KYNU: variants seen among roughly 807,000 people sequenced by gnomAD.
KYNU encodes L-kynurenine hydrolase.
In KYNU, 54 loss-of-function variants were observed where a neutral mutation model predicts 59.2. The ratio of observed to expected loss-of-function variants is 0.91; its 90% CI spans 0.73 to 1.14. The LOEUF is 1.14. KYNU is among the 50% of genes most tolerant of loss of function. The pLI, the probability that KYNU is intolerant of heterozygous loss-of-function variation, is 0.00. For missense variants in KYNU, 567 were observed against 554.4 expected (o/e 1.02, Z -0.23); for synonymous variants, 177 against 192.0 (o/e 0.92, Z 0.65).
chr2:142,910,242 T>G (rs1175150926), intron 2 of KYNU, among the ~76,000 whole-genome samples: 1 of 148,620 alleles, frequency 6.7e-6, no homozygotes, highest in African/African-American at 2.5e-5. Flanking sequence ...GTTCAAGCGA[T>G]TCTCTTGCCT....
intron 2 of KYNU, among the ~76,000 whole-genome samples, chr2:142,914,301 T>C (rs1682602026): frequency 1.3e-5 from 2 of 152,236 alleles, no homozygotes; most frequent in Admixed American, 1.3e-4. Context: ...TTTGCTCCTC[T>C]CTTCTCTGTG....
chr2:143,014,498 A>T (rs1340500004), intron 10 of KYNU, among the ~76,000 whole-genome samples: 1 of 152,240 alleles, frequency 6.6e-6, no homozygotes, highest in Admixed American at 6.5e-5. Flanking sequence ...ATTTGAGATC[A>T]AACATGTCTA....
In KYNU at chr2:143,050,684, G is replaced by GA. The variant is rs1687250775; in HGVS notation, c.*8512_*8513insA. ...AAAACAGACTGAAGAAAGACTGGGTGTGAAGTCAGTAAATTAATTTCAAAT... is the reference window on the plus strand; with the variant it reads ...AAAACAGACTGAAGAAAGACTGGGTGATGAAGTCAGTAAATTAATTTCAAAT... On this transcript the variant is annotated 3_prime_UTR_variant, in exon 14 of 14. Coordinates refer to ENST00000264170, the MANE Select transcript of KYNU (RefSeq NM_003937.3). The GA allele has an allele frequency of 1.3e-5, 2 of 152,194 alleles. No individual in the cohort carries two copies. Among genetic ancestry groups the GA allele is most frequent in the Non-Finnish European group, 2.9e-5 (2 of 68,044 alleles). 9.4% of individuals were successfully genotyped at this position (152,194 alleles called of 1,614,324 possible).
chr2:142,935,919 A>C (rs1170948738), intron 4 of KYNU, among the ~76,000 whole-genome samples: 1 of 152,116 alleles, frequency 6.6e-6, no homozygotes, highest in African/African-American at 2.4e-5. Context: ...GAGTACAGGC[A>C]ATGCTAGAAT....
At chr2:142,939,701 T>G (rs1200204444) in intron 4 of KYNU, among the ~76,000 whole-genome samples, 2 of 148,622 alleles carry the variant, frequency 1.3e-5, no homozygotes, top group African/African-American at 5.0e-5. Context: ...GAGGAGTGAC[T>G]GAAAAAAAAA....
intron 10 of KYNU, among the ~76,000 whole-genome samples, chr2:143,019,904 T>C (rs1686359733): frequency 6.6e-6 from 1 of 152,088 alleles, no homozygotes; most frequent in South Asian, 2.1e-4. Flanking sequence ...TCTAGGTTTT[T>C]CAACTTGTTG....
intron 2 of KYNU, among the ~76,000 whole-genome samples, chr2:142,896,383 A>G (rs1228805267): frequency 3.3e-5 from 5 of 152,160 alleles, no homozygotes; most frequent in Non-Finnish European, 7.3e-5. Flanking sequence ...CATGTTCCTA[A>G]TGGCTAATGA....
Position 143,042,493 on chromosome 2 carries a change from T to C in KYNU, c.*321T>C, listed in dbSNP as rs1010810254. On this transcript the variant is annotated 3_prime_UTR_variant, in exon 14 of 14. Coordinates refer to ENST00000264170, the MANE Select transcript of KYNU (RefSeq NM_003937.3). ...TTTAATTTCTGATTTAACTGACAACTTCATAATGTATGTGCAATTATTGTG... is the reference window on the plus strand; with the variant it reads ...TTTAATTTCTGATTTAACTGACAACCTCATAATGTATGTGCAATTATTGTG... 8 of 210,080 alleles carry C rather than the reference T, an allele frequency of 3.8e-5. No homozygotes were observed. The highest frequency in any genetic ancestry group is 1.9e-4 in the African/African-American group (8 of 42,356). The allele number at this position is 210,080 out of a possible 1,614,324, so 13.0% of individuals were successfully genotyped here.
chr2:143,013,298 C>CTCTCTCTCTGTGTG (rs72349700), intron 10 of KYNU, among the ~76,000 whole-genome samples: 2 of 149,468 alleles, frequency 1.3e-5, no homozygotes, highest in South Asian at 2.1e-4. Context: ...GTCTCTTTCT[C>CTCTCTCTCTGTGTG]TGTGTGTGTG....
At chr2:142,957,755 A>G in intron 7 of KYNU, 40 bp downstream of exon 7, 7 of 1,286,428 alleles carry the variant, frequency 5.4e-6, no homozygotes, top group Non-Finnish European at 7.9e-6. Context: ...TGCTTTGTTT[A>G]GTATTGATTT....
At position 142,985,079 on chromosome 2, in the gene KYNU, C is replaced by A. The variant is rs763671555; in HGVS notation, c.730-5C>A. 1 of 1,549,522 alleles carries A rather than the reference C, an allele frequency of 6.5e-7. No individual in the cohort carries two copies. The highest frequency in any genetic ancestry group is 1.1e-5 in the South Asian group (1 of 89,746). On this transcript the variant is annotated splice_region_variant and splice_polypyrimidine_tract_variant and intron_variant, in intron 8 of 13. Coordinates refer to ENST00000264170, the MANE Select transcript of KYNU (RefSeq NM_003937.3). ...CTTAAAGCTTATTATTGTGTTCTTC[C>A]CTAGGGTTGTTATGTTGGCTTTGAT...
chr2:142,968,193 A>G (rs957594491), intron 8 of KYNU, among the ~76,000 whole-genome samples: 2 of 152,224 alleles, frequency 1.3e-5, no homozygotes, highest in African/African-American at 4.8e-5. Context: ...GTAAATTATA[A>G]TAAAGGAGTT....
intron 10 of KYNU, among the ~76,000 whole-genome samples, chr2:142,987,581 G>T (rs1270499216): frequency 6.6e-6 from 1 of 151,924 alleles, no homozygotes; most frequent in Non-Finnish European, 1.5e-5. Context: ...AGTTCAGCTT[G>T]GTCTTTCAGG....
At chr2:143,003,771 G>C (rs1558969758) in intron 10 of KYNU, among the ~76,000 whole-genome samples, 1 of 151,938 alleles carries the variant, frequency 6.6e-6, no homozygotes, top group South Asian at 2.1e-4. Flanking sequence ...CCATTTTGAA[G>C]AATAAACAAC....
chr2:142,984,017 T>C (rs561078983), intron 8 of KYNU, among the ~76,000 whole-genome samples: 1 of 152,170 alleles, frequency 6.6e-6, no homozygotes, highest in South Asian at 2.1e-4. Context: ...TTTTGTGTAT[T>C]CTTTGATACT....
chr2:142,951,717 G>C (rs188865852), intron 4 of KYNU, among the ~76,000 whole-genome samples: 1 of 152,300 alleles, frequency 6.6e-6, no homozygotes, highest in East Asian at 1.9e-4. Context: ...TTGCATGTTG[G>C]ACTAACCCTG....
chr2:142,903,990 C>T (rs1447621958), intron 2 of KYNU, among the ~76,000 whole-genome samples: 1 of 152,174 alleles, frequency 6.6e-6, no homozygotes, highest in Non-Finnish European at 1.5e-5. Flanking sequence ...TCCTGTTCTG[C>T]CTGCTCCTCC....
intron 10 of KYNU, among the ~76,000 whole-genome samples, chr2:142,999,977 A>C (rs981205245): frequency 6.6e-6 from 1 of 152,196 alleles, no homozygotes; most frequent in African/African-American, 2.4e-5. Flanking sequence ...GAATTTCATT[A>C]AGATTGAAGA....
chr2:142,883,441 G>A (rs1001540774), intron 1 of KYNU, among the ~76,000 whole-genome samples: 24 of 151,710 alleles, frequency 1.6e-4, no homozygotes, highest in African/African-American at 5.1e-4. Context: ...CTCGTGATCC[G>A]CCTGCCTCTG....
Sources: allele counts gnomAD v4.1 joint callset (sites outside exome capture counted in the v4.1 genomes callset), GRCh38; gene constraint gnomAD v4.1.1; transcripts MANE v1.5; gene names NCBI Gene and HGNC (gene_info 2026-07-23, HGNC 2026-07-21).